Variants in CACNB2 observed in about 807,000 individuals in gnomAD.
The protein encoded by CACNB2 is voltage-dependent L-type calcium channel subunit beta-2.
Under a neutral mutation model 73.3 loss-of-function variants are expected in CACNB2, and 42 were observed. The observed-to-expected ratio is 0.57, with a 90% confidence interval of 0.45 to 0.74. The LOEUF (loss-of-function observed/expected upper bound fraction) is 0.74. CACNB2 is among the 30% of genes least tolerant of loss of function. The pLI is 0.00. For missense variants in CACNB2, 940 were observed against 853.0 expected (o/e 1.10, Z -1.27); for synonymous variants, 348 against 310.3 (o/e 1.12, Z -1.28).
At chr10:18,401,693 TGGAATATAAAG>T (rs1013820810) in intron 2 of CACNB2, among the ~76,000 whole-genome samples, 1 of 152,192 alleles carries the variant, frequency 6.6e-6, no homozygotes, top group Non-Finnish European at 1.5e-5. Flanking sequence ...GATAGTTTTT[TGGAATATAAAG>T]CTTGGGAAGG....
chr10:18,476,739 A>C (rs2048459772), intron 3 of CACNB2, among the ~76,000 whole-genome samples: 1 of 152,200 alleles, frequency 6.6e-6, no homozygotes, highest in South Asian at 2.1e-4. Context: ...GAGGCAGAGC[A>C]TGGTAGCTTA....
At chr10:18,152,162 C>T (rs2031614333) in intron 2 of CACNB2, among the ~76,000 whole-genome samples, 1 of 152,126 alleles carries the variant, frequency 6.6e-6, no homozygotes, top group South Asian at 2.1e-4. Context: ...TTGATCTTGG[C>T]TGGTTGCTGC....
chr10:18,505,765 A>G (rs753636219), intron 5 of CACNB2, among the ~76,000 whole-genome samples: 4 of 152,178 alleles, frequency 2.6e-5, no homozygotes, highest in Non-Finnish European at 4.4e-5. Flanking sequence ...ATTAACTCCA[A>G]TGTTTCTGAG....
chr10:18,344,066 CA>C (rs57533459), intron 2 of CACNB2, among the ~76,000 whole-genome samples: 28,851 of 109,330 alleles, frequency 0.26, 2,733 homozygotes, highest in Middle Eastern at 0.41. Flanking sequence ...AAGCATTTAT[CA>C]AAAAAAAAAA....
chr10:18,261,388 G>T, intron 2 of CACNB2: 1 of 1,549,806 alleles, frequency 6.5e-7, no homozygotes. Context: ...GGTGCATGTT[G>T]CCTCTTTCAG....
At chr10:18,401,877 A>G in intron 2 of CACNB2, 47 bp from the exon 3 acceptor site, 1 of 1,607,542 alleles carries the variant, frequency 6.2e-7, no homozygotes, top group Admixed American at 1.7e-5. Context: ...TTCCAATGCA[A>G]ACATCATAGA....
chr10:18,189,061 A>C (rs78011406), intron 2 of CACNB2, among the ~76,000 whole-genome samples: 18,021 of 152,214 alleles, frequency 0.12, 1,145 homozygotes, highest in South Asian at 0.15. Flanking sequence ...TCCTGGGCTC[A>C]AGCCATCCTC....
chr10:18,172,343 G>T (rs534535629), intron 2 of CACNB2, among the ~76,000 whole-genome samples: 1 of 152,146 alleles, frequency 6.6e-6, no homozygotes, highest in South Asian at 2.1e-4. Flanking sequence ...CAGCCTGGGC[G>T]ACACAGCAAG....
intron 2 of CACNB2, among the ~76,000 whole-genome samples, chr10:18,231,337 C>T (rs1403547650): frequency 1.3e-5 from 2 of 152,106 alleles, no homozygotes; most frequent in Non-Finnish European, 2.9e-5. Context: ...CCACCACACC[C>T]AGCTAAACTT....
At chr10:18,220,247 A>AGGGTGG (rs1564354136) in intron 2 of CACNB2, among the ~76,000 whole-genome samples, 3 of 101,628 alleles carry the variant, frequency 3.0e-5, no homozygotes, top group Non-Finnish European at 5.6e-5. Flanking sequence ...AGAGAGAGAG[A>AGGGTGG]GAGAGAGAGA....
At position 18,289,297 on chromosome 10, in the gene CACNB2, G is replaced by GT. The variant is rs764040568; in HGVS notation, c.214-112612dup. Among the ~76,000 whole-genome samples, 322 of 56,652 alleles carry GT rather than the reference G, an allele frequency of 5.7e-3. 8 individuals are homozygous for GT. Among genetic ancestry groups the GT allele is most frequent in the East Asian group, 0.011 (33 of 3,118 alleles). 37.2% of individuals were successfully genotyped at this position (56,652 alleles called of 152,430 possible). ...TTTTTTTTTCTTGTTTTTTTGTTTTGTTTTTTTTTTTTTTTGAGATGGGGT... is the reference window on the plus strand; with the variant it reads ...TTTTTTTTTCTTGTTTTTTTGTTTTGTTTTTTTTTTTTTTTTGAGATGGGGT... On this transcript the variant is annotated intron_variant, in intron 2 of 13. Transcript: ENST00000324631.
rs981988170 is a variant in CACNB2, at chr10:18,539,950, G to T, written c.*226G>T. The T allele has an allele frequency of 5.8e-6, 3 of 517,608 alleles. No individual in the cohort carries two copies. Among genetic ancestry groups the T allele is most frequent in the South Asian group, 4.4e-5 (2 of 45,898 alleles). 32.1% of individuals were successfully genotyped at this position (517,608 alleles called of 1,614,324 possible). Reference sequence around the variant, plus strand: ...TGGCCTGGTATGGCTGCAGTCCTCCGGTTGCATACTGGACTCTTCAAAAAC... The same window carrying T: ...TGGCCTGGTATGGCTGCAGTCCTCCTGTTGCATACTGGACTCTTCAAAAAC... On this transcript the variant is annotated 3_prime_UTR_variant, in exon 14 of 14. Coordinates refer to ENST00000324631, the MANE Select transcript of CACNB2 (RefSeq NM_201596.3).
At chr10:18,184,028 T>C (rs950038761) in intron 2 of CACNB2, among the ~76,000 whole-genome samples, 1 of 152,164 alleles carries the variant, frequency 6.6e-6, no homozygotes, top group African/African-American at 2.4e-5. Context: ...CCAAGAAAAA[T>C]GCTAAAACAG....
chr10:18,491,335 G>A (rs1456559082), intron 3 of CACNB2, among the ~76,000 whole-genome samples: 2 of 152,182 alleles, frequency 1.3e-5, no homozygotes, highest in African/African-American at 4.8e-5. Context: ...TATAATCTCA[G>A]CCCTTTGGGA....
At chr10:18,295,998 G>GT (rs34043231) in intron 2 of CACNB2, among the ~76,000 whole-genome samples, 2,209 of 60,798 alleles carry the variant, frequency 0.036, 136 homozygotes, top group East Asian at 0.1. Context: ...CTTTTTGCGT[G>GT]TTTTTTTTTT....
chr10:18,236,078 G>T (rs75330581), intron 2 of CACNB2, among the ~76,000 whole-genome samples: 1,711 of 152,270 alleles, frequency 0.011, 24 homozygotes, highest in South Asian at 0.052. Flanking sequence ...TGTACAGCCT[G>T]TGGAACCGTG....
rs1169991722 is a variant in CACNB2 at position 18,505,302 on chromosome 10, G to A, written c.594-1169G>A. ...GTTTTGGTCTTGGTAATAGGTCCTT[G>A]TATAACTGCCAGAAACTGCTTCTAT... On this transcript the variant is annotated intron_variant, in intron 5 of 13. Transcript: ENST00000324631. 2.0e-5 allele frequency among the ~76,000 whole-genome samples: 3 copies of A among 150,888 alleles called. No individual in the cohort carries two copies. In the South Asian group the frequency reaches 6.3e-4, roughly 32 times the overall value.
chr10:18,163,415 A>T (rs2032615847), intron 2 of CACNB2, among the ~76,000 whole-genome samples: 1 of 152,180 alleles, frequency 6.6e-6, no homozygotes, highest in South Asian at 2.1e-4. Context: ...GATACCTGAG[A>T]TCTGGTAGAA....
intron 2 of CACNB2, among the ~76,000 whole-genome samples, chr10:18,167,589 C>T (rs559265421): frequency 2.6e-5 from 4 of 152,216 alleles, no homozygotes; most frequent in African/African-American, 9.6e-5. Flanking sequence ...ATGCTCGCAT[C>T]GACTGTGAAA....
Sources: allele counts gnomAD v4.1 joint callset (sites outside exome capture counted in the v4.1 genomes callset), GRCh38; gene constraint gnomAD v4.1.1; transcripts MANE v1.5; gene names NCBI Gene and HGNC (gene_info 2026-07-23, HGNC 2026-07-21).